The following TASP1 variants were observed in gnomAD, a reference collection of about 807,000 sequenced individuals.
TASP1 encodes taspase 1, also known as threonine aspartase 1.
Under a neutral mutation model 56.6 loss-of-function variants are expected in TASP1, and 16 were observed. The ratio of observed to expected loss-of-function variants is 0.28; its 90% CI spans 0.19 to 0.43. The LOEUF (loss-of-function observed/expected upper bound fraction) is 0.43. Among genes scored for constraint, TASP1 ranks in the 20% least tolerant of loss-of-function variants. The pLI, the probability that TASP1 is intolerant of heterozygous loss-of-function variation, is 1.00. For missense variants in TASP1, 393 were observed against 511.6 expected (o/e 0.77, Z 2.24); for synonymous variants, 179 against 184.2 (o/e 0.97, Z 0.23).
intron 11 of TASP1, among the ~76,000 whole-genome samples, chr20:13,453,158 T>G (rs1033741286): frequency 6.6e-6 from 1 of 151,662 alleles, no homozygotes; most frequent in African/African-American, 2.4e-5. Flanking sequence ...AGAAACAACA[T>G]GAAAAGAAAA....
intron 10 of TASP1, among the ~76,000 whole-genome samples, chr20:13,521,108 A>C (rs902365864): frequency 3.9e-5 from 6 of 152,242 alleles, no homozygotes; most frequent in Non-Finnish European, 7.3e-5. Context: ...GGTGATCATT[A>C]AAAAGTCAGG....
intron 11 of TASP1, among the ~76,000 whole-genome samples, chr20:13,474,532 T>C (rs2044648227): frequency 6.6e-6 from 1 of 152,212 alleles, no homozygotes; most frequent in Admixed American, 6.5e-5. Flanking sequence ...ATCCACTCGT[T>C]AGTCAATGGG....
the TASP1 span, among the ~76,000 whole-genome samples, chr20:13,186,184 A>G: frequency 6.6e-6 from 1 of 152,228 alleles, no homozygotes; most frequent in Non-Finnish European, 1.5e-5. Flanking sequence ...CAGGAATGCC[A>G]CAAGGTCTCA....
At chr20:13,376,142 T>C in the TASP1 span, among the ~76,000 whole-genome samples, 1 of 152,248 alleles carries the variant, frequency 6.6e-6, no homozygotes, top group African/African-American at 2.4e-5. Context: ...CATCATGAAC[T>C]CTTTGCCCAT....
At chr20:13,632,003 G>A (rs113587940) in intron 1 of TASP1, among the ~76,000 whole-genome samples, 8 of 151,914 alleles carry the variant, frequency 5.3e-5, no homozygotes, top group African/African-American at 1.7e-4. Context: ...CTTGAGCTGC[G>A]ATCGCGCCAC....
chr20:13,392,136 GA>G (rs1472127372), intron 13 of TASP1, among the ~76,000 whole-genome samples: 1 of 151,560 alleles, frequency 6.6e-6, no homozygotes, highest in Non-Finnish European at 1.5e-5. Context: ...CCTACAAGCA[GA>G]AGAACTTAAC....
the TASP1 span, among the ~76,000 whole-genome samples, chr20:13,253,584 G>A: frequency 7.2e-5 from 11 of 152,168 alleles, no homozygotes; most frequent in South Asian, 6.2e-4. Context: ...GCAGAGAATC[G>A]CCAGGAGGCC....
chr20:13,633,507 TTC>T lies in TASP1; in HGVS notation c.-74-3357_-74-3356del, dbSNP rs1261131385. 9.2e-5 allele frequency among the ~76,000 whole-genome samples: 14 copies of T among 152,320 alleles called. No individual in the cohort carries two copies. The South Asian group carries it at 2.1e-3, about 23-fold the overall frequency. On this transcript the variant is annotated intron_variant, in intron 1 of 13. Coordinates refer to ENST00000337743, the MANE Select transcript of TASP1 (RefSeq NM_017714.3). The stretch of plus-strand genomic sequence containing the variant: ...AAGAACCAAAATAGGGCAAGCATGT[TTC>T]TCTGAGTATTGAACTTCTGGGATGC...
At chr20:13,380,912 C>T in the TASP1 span, among the ~76,000 whole-genome samples, 183 of 152,278 alleles carry the variant, frequency 1.2e-3, 1 homozygote, top group Middle Eastern at 3.4e-3. Flanking sequence ...TCAGCAATGG[C>T]GGACGCCCCT....
chr20:13,281,939 A>G, the TASP1 span, among the ~76,000 whole-genome samples: 1 of 152,190 alleles, frequency 6.6e-6, no homozygotes. Context: ...AGTAGTCCTC[A>G]AAGTGTGGCC....
chr20:13,549,018 C>A (rs2045895264), intron 8 of TASP1, among the ~76,000 whole-genome samples: 1 of 152,060 alleles, frequency 6.6e-6, no homozygotes, highest in Non-Finnish European at 1.5e-5. Flanking sequence ...TCCATGTTGA[C>A]AATGAATATG....
At chr20:13,606,753 G>A (rs1461420347) in intron 4 of TASP1, among the ~76,000 whole-genome samples, 3 of 148,264 alleles carry the variant, frequency 2.0e-5, no homozygotes, top group Non-Finnish European at 3.0e-5. Flanking sequence ...CTTGCAGTGA[G>A]CCGAGATCAC....
At chr20:13,179,336 C>T in the TASP1 span, among the ~76,000 whole-genome samples, 6 of 150,578 alleles carry the variant, frequency 4.0e-5, no homozygotes, top group Admixed American at 1.3e-4. Context: ...AACATGTATT[C>T]GTATAAATGC....
At chr20:13,512,220 C>G (rs1043923591) in intron 10 of TASP1, among the ~76,000 whole-genome samples, 2 of 152,128 alleles carry the variant, frequency 1.3e-5, no homozygotes, top group African/African-American at 4.8e-5. Context: ...ACAGTCCTAC[C>G]AACAGTGTAA....
the TASP1 span, among the ~76,000 whole-genome samples, chr20:13,312,298 G>A: frequency 1.4e-4 from 21 of 152,196 alleles, no homozygotes; most frequent in Non-Finnish European, 2.6e-4. Flanking sequence ...TGAGTTCACA[G>A]TCGGCATGTG....
the TASP1 span, among the ~76,000 whole-genome samples, chr20:13,127,441 T>C: frequency 6.6e-6 from 1 of 152,222 alleles, no homozygotes; most frequent in African/African-American, 2.4e-5. Flanking sequence ...GCCACTGGAC[T>C]GTACAATCTA....
chr20:13,608,041 G>T (rs1476140383), intron 4 of TASP1, among the ~76,000 whole-genome samples: 1 of 152,164 alleles, frequency 6.6e-6, no homozygotes, highest in East Asian at 1.9e-4. Flanking sequence ...ACCTTCTAAA[G>T]CTGAGAAAGG....
At chr20:13,126,824 T>C in the TASP1 span, 1 of 1,407,294 alleles carries the variant, frequency 7.1e-7, no homozygotes, top group South Asian at 1.6e-5. Flanking sequence ...AGAACCCTAT[T>C]TGTAAATCAA....
chr20:13,392,849 C>T (rs1158944046), intron 13 of TASP1: 7 of 668,110 alleles, frequency 1.0e-5, no homozygotes, highest in African/African-American at 3.6e-5. Context: ...TCCCATGGCA[C>T]CATCAAGGCT....
Sources: gnomAD v4.1 joint callset for allele counts (sites outside exome capture counted in the v4.1 genomes callset) on GRCh38, gnomAD v4.1.1 for gene constraint, MANE v1.5 for transcripts, NCBI Gene and HGNC (gene_info 2026-07-23, HGNC 2026-07-21) for gene names.